Variants in KLF15 observed in about 807,000 individuals in gnomAD.
KLF15 encodes the protein Krueppel-like factor 15.
A neutral mutation model predicts 24.6 loss-of-function variants in KLF15; 4 were observed. The observed-to-expected ratio is 0.16, with a 90% CI of 0.08 to 0.37. The LOEUF (loss-of-function observed/expected upper bound fraction) is 0.37, where lower values mean the gene tolerates loss of function less well. Among genes scored for constraint, KLF15 ranks in the 10% least tolerant of loss-of-function variants. KLF15 has a pLI of 1.00. For missense variants in KLF15, 496 were observed against 560.6 expected, an observed-to-expected ratio of 0.88 and a Z score of 1.16; for synonymous variants, 246 against 236.3, an observed-to-expected ratio of 1.04 and a Z score of -0.37.
chr3:126,301,600 TTTTC>T, the KLF15 span, among the ~76,000 whole-genome samples: 1 of 143,496 alleles, frequency 7.0e-6, no homozygotes, highest in Non-Finnish European at 1.5e-5. Flanking sequence ...TTTCTTTCTT[TTTTC>T]TTTTTCTTTT....
chr3:126,343,686 G>A lies in KLF15; in HGVS notation c.*41C>T. 6.4e-7 allele frequency: 1 copy of A among 1,569,044 alleles called. No homozygotes were observed. The highest frequency in any genetic ancestry group is 1.2e-5 in the South Asian group (1 of 85,652). Reference sequence around the variant, plus strand: ...TTGCTTAAAAAAATGGGGATGGGGTGGGGATCCGGGGTGACGGACAGGCTG... The same window carrying A: ...TTGCTTAAAAAAATGGGGATGGGGTAGGGATCCGGGGTGACGGACAGGCTG... On this transcript the variant is annotated 3_prime_UTR_variant, in exon 3 of 3. Coordinates refer to ENST00000296233, the MANE Select transcript of KLF15 (RefSeq NM_014079.4).
chr3:126,352,632 C>T lies in KLF15; in HGVS notation c.291G>A (p.Gly97=). 6.3e-7 allele frequency: 1 copy of T among 1,598,458 alleles called. No individual in the cohort carries two copies. ...GSGGGSGSSI[G]ASSGPVAWGP... is the part of the protein sequence containing the mutation. Reference sequence around the variant, plus strand: ...CCCAGGCCACGGGGCCACTGCTGGCCCCAATGCTACTGCCGCTGCCCCCGC... The same window carrying T: ...CCCAGGCCACGGGGCCACTGCTGGCTCCAATGCTACTGCCGCTGCCCCCGC... Residue 97 remains glycine, a synonymous_variant, in exon 2 of 3, where the codon GGG becomes GGA. Transcript: ENST00000296233.
chr3:126,311,220 G>C, the KLF15 span, among the ~76,000 whole-genome samples: 2 of 152,158 alleles, frequency 1.3e-5, no homozygotes, highest in African/African-American at 4.8e-5. Flanking sequence ...CCAGAGACAG[G>C]CAAAAAGAAA....
chr3:126,345,315 C>A (rs2082525140), intron 2 of KLF15, among the ~76,000 whole-genome samples: 1 of 152,048 alleles, frequency 6.6e-6, no homozygotes, highest in Non-Finnish European at 1.5e-5. Context: ...AGCTCCATGA[C>A]AAAGGACATG....
At position 126,342,640 on chromosome 3, in the gene KLF15, G is replaced by A. The variant is rs1444270616; in HGVS notation, c.*1087C>T. On this transcript the variant is annotated 3_prime_UTR_variant, in exon 3 of 3. Transcript: ENST00000296233. Reference sequence around the variant, plus strand: ...AGCACATGAATGCCAAAAGCTGTGAGTTCTTTTTCTTTTTATTGGCAAAGT... The same window carrying A: ...AGCACATGAATGCCAAAAGCTGTGAATTCTTTTTCTTTTTATTGGCAAAGT... 6.6e-6 allele frequency: 1 copy of A among 152,572 alleles called. No individual in the cohort carries two copies. Among genetic ancestry groups the A allele is most frequent in the Non-Finnish European group, 1.5e-5 (1 of 68,034 alleles). 9.5% of individuals were successfully genotyped at this position (152,572 alleles called of 1,614,324 possible).
the KLF15 span, among the ~76,000 whole-genome samples, chr3:126,299,233 T>C: frequency 6.6e-6 from 1 of 152,034 alleles, no homozygotes; most frequent in Admixed American, 6.5e-5. Context: ...TATGTATGTA[T>C]GTATTTGTTT....
chr3:126,345,588 C>T (rs115046730), intron 2 of KLF15, among the ~76,000 whole-genome samples: 2,501 of 151,720 alleles, frequency 0.016, 70 homozygotes, highest in African/African-American at 0.058. Context: ...AATTCATGCC[C>T]CCATGTACTC....
At chr3:126,329,069 T>C in the KLF15 span, among the ~76,000 whole-genome samples, 1 of 152,242 alleles carries the variant, frequency 6.6e-6, no homozygotes, top group South Asian at 2.1e-4. Context: ...GTCTATCTTT[T>C]CCATAATGGC....
At chr3:126,340,418 C>T (rs898529211), downstream of KLF15, among the ~76,000 whole-genome samples, 1 of 152,258 alleles carries the variant, frequency 6.6e-6, no homozygotes, top group Non-Finnish European at 1.5e-5. Flanking sequence ...GGAGGAGCAA[C>T]AAGAGCGAAG....
rs1368771554 is a variant in KLF15, at chr3:126,356,796, C to T, written c.-26+441G>A. Among the ~76,000 whole-genome samples, 2 of 151,890 alleles carry T rather than the reference C, an allele frequency of 1.3e-5. No homozygotes were observed. The highest frequency in any genetic ancestry group is 4.8e-5 in the African/African-American group (2 of 41,390). On this transcript the variant is annotated intron_variant, in intron 1 of 2. Transcript: ENST00000296233. The surrounding 1 kb of genome is among the most constrained non-coding windows in gnomAD (Gnocchi z 4.4). ...CGCTGGGCACCATGCCCTCGTCCCA[C>T]GCCCCCCCCTTGCCCCCGACACTGC... is the stretch of plus-strand genomic sequence containing the variant.
At chr3:126,320,694 G>T in the KLF15 span, among the ~76,000 whole-genome samples, 1 of 152,136 alleles carries the variant, frequency 6.6e-6, no homozygotes. Flanking sequence ...ACTGCCCTGT[G>T]GATGCTGGGC....
the KLF15 span, among the ~76,000 whole-genome samples, chr3:126,299,803 G>A: frequency 6.7e-6 from 1 of 150,270 alleles, no homozygotes; most frequent in East Asian, 2.0e-4. Context: ...TGCACAGAGG[G>A]ATGACCACGC....
At chr3:126,329,164 A>T in the KLF15 span, among the ~76,000 whole-genome samples, 1 of 152,194 alleles carries the variant, frequency 6.6e-6, no homozygotes, top group African/African-American at 2.4e-5. Flanking sequence ...TTTTCTGTGT[A>T]TGGTGTGAGA....
At chr3:126,317,253 A>G in the KLF15 span, among the ~76,000 whole-genome samples, 1 of 152,194 alleles carries the variant, frequency 6.6e-6, no homozygotes, top group Non-Finnish European at 1.5e-5. Context: ...AAGAAGCAAT[A>G]GGTAGCTAGT....
At chr3:126,294,667 C>T in the KLF15 span, among the ~76,000 whole-genome samples, 1 of 152,014 alleles carries the variant, frequency 6.6e-6, no homozygotes, top group Non-Finnish European at 1.5e-5. Context: ...CTAACTTTGC[C>T]CCATCTCTGC....
At chr3:126,331,915 G>T in the KLF15 span, among the ~76,000 whole-genome samples, 16 of 152,230 alleles carry the variant, frequency 1.1e-4, no homozygotes, top group Non-Finnish European at 2.1e-4. Flanking sequence ...GGCTCGGAGG[G>T]TCCTACGCCC....
downstream of KLF15, among the ~76,000 whole-genome samples, chr3:126,338,351 A>T (rs1481635172): frequency 6.6e-6 from 1 of 152,160 alleles, no homozygotes; most frequent in Admixed American, 6.5e-5. Flanking sequence ...TCAGGGAGAG[A>T]AGAGCACTGC....
At chr3:126,299,910 C>T in the KLF15 span, among the ~76,000 whole-genome samples, 6 of 152,194 alleles carry the variant, frequency 3.9e-5, no homozygotes, top group East Asian at 1.9e-4. Context: ...TTCCAGGCTC[C>T]GTGACTGAGA....
the KLF15 span, among the ~76,000 whole-genome samples, chr3:126,316,536 T>C: frequency 7.4e-3 from 832 of 111,776 alleles, 18 homozygotes; most frequent in African/African-American, 0.025. Flanking sequence ...AGGGAGTACA[T>C]GGGCCGGAGT....
Sources: allele counts gnomAD v4.1 joint callset (sites outside exome capture counted in the v4.1 genomes callset), GRCh38; gene constraint gnomAD v4.1.1; non-coding constraint Gnocchi (gnomAD v3.1); transcripts MANE v1.5; gene names NCBI Gene and HGNC (gene_info 2026-07-23, HGNC 2026-07-21).